The following THSD4 variants were observed in gnomAD, a reference collection of about 807,000 sequenced individuals.
THSD4 encodes thrombospondin type 1 domain containing 4.
Under a neutral mutation model 119.0 loss-of-function variants are expected in THSD4, and 69 were observed. That is an observed-to-expected ratio of 0.58 (90% CI 0.48 to 0.71). The LOEUF (loss-of-function observed/expected upper bound fraction) is 0.71, where lower values mean the gene tolerates loss of function less well. Among genes scored for constraint, THSD4 ranks in the 30% least tolerant of loss-of-function variants. THSD4 has a pLI of 0.00. For synonymous variants in THSD4, 524 were observed against 540.4 expected (o/e 0.97, Z 0.42); for missense variants, 1,393 against 1,391.1 (o/e 1.00, Z -0.02).
chr15:71,708,707 G>C (rs554598726), intron 8 of THSD4, among the ~76,000 whole-genome samples: 1 of 152,270 alleles, frequency 6.6e-6, no homozygotes, highest in African/African-American at 2.4e-5. Context: ...GTGTCTTTTG[G>C]TGTTTTGTTT....
Position 71,215,192 on chromosome 15 carries a change from G to A in THSD4, c.257G>A (p.Arg86His). The A allele has an allele frequency of 1.5e-6, 2 of 1,359,416 alleles. No homozygotes were observed. The highest frequency in any genetic ancestry group is 1.7e-5 in the South Asian group (1 of 58,634). The allele number at this position is 1,359,416 out of a possible 1,614,324, so 84.2% of individuals were successfully genotyped here. ...CGGCCCTGCCTGCCCCGCTCCTACC[G>A]CCTGCGCGGCGGCCAGCGGCCTGGC... ...QTRPCLPRSY[R>H]LRGGQRPGAP... Residue 86 changes from arginine to histidine, a missense_variant, in exon 4 of 18, where the codon CGC (arginine) becomes CAC (histidine). By Grantham distance (29) the Arg-to-His change is conservative. Coordinates refer to ENST00000261862, the MANE Select transcript of THSD4 (RefSeq NM_024817.3).
chr15:71,388,775 A>AAT (rs1045749733), intron 6 of THSD4, among the ~76,000 whole-genome samples: 26 of 151,560 alleles, frequency 1.7e-4, no homozygotes, highest in Admixed American at 2.6e-4. Context: ...AATATGATAA[A>AAT]ATATATATAT....
rs570969525 is a variant in THSD4, at chr15:71,268,601, A to G, written c.1015+11886A>G. Among the ~76,000 whole-genome samples, 8 of 151,052 alleles carry G rather than the reference A, an allele frequency of 5.3e-5. No homozygotes were observed. The South Asian group carries it at 1.7e-3, about 32-fold the overall frequency. On this transcript the variant is annotated intron_variant, in intron 6 of 17. Transcript: ENST00000261862. ...AGCTAGCAGAAGACAAGAAATAACTAAGATCAGAGCAGAACTGAAGGAGAT... is the reference window on the plus strand; with the variant it reads ...AGCTAGCAGAAGACAAGAAATAACTGAGATCAGAGCAGAACTGAAGGAGAT...
chr15:71,621,591 T>C (rs2050419275), intron 7 of THSD4, among the ~76,000 whole-genome samples: 1 of 152,224 alleles, frequency 6.6e-6, no homozygotes, highest in South Asian at 2.1e-4. Context: ...TTATTGATAT[T>C]CTGATTAACT....
At chr15:71,137,047 C>T (rs917391368) in intron 1 of THSD4, among the ~76,000 whole-genome samples, 1 of 152,190 alleles carries the variant, frequency 6.6e-6, no homozygotes, top group African/African-American at 2.4e-5. Flanking sequence ...CTCATTCAAC[C>T]TTCCTGTAGG....
intron 6 of THSD4, among the ~76,000 whole-genome samples, chr15:71,331,321 G>T (rs2045418137): frequency 6.6e-6 from 1 of 152,176 alleles, no homozygotes; most frequent in African/African-American, 2.4e-5. Context: ...TGAATGCCTG[G>T]TTTCCTCTGA....
chr15:71,686,621 CA>C (rs2051915684), intron 8 of THSD4, among the ~76,000 whole-genome samples: 1 of 152,000 alleles, frequency 6.6e-6, no homozygotes, highest in Admixed American at 6.6e-5. Flanking sequence ...GTTATAAGGA[CA>C]AAGGAAGAGG....
chr15:71,663,718 G>C (rs554851665), intron 8 of THSD4, among the ~76,000 whole-genome samples: 1 of 152,042 alleles, frequency 6.6e-6, no homozygotes, highest in Non-Finnish European at 1.5e-5. Context: ...TGAACTCTTC[G>C]ACGGCTATTT....
chr15:71,778,546 C>T lies in THSD4; in HGVS notation c.*1172C>T, dbSNP rs2053952687. On this transcript the variant is annotated 3_prime_UTR_variant, in exon 18 of 18. Coordinates refer to ENST00000261862, the MANE Select transcript of THSD4 (RefSeq NM_024817.3). ...CCCTGCCTCAGCCGCCTCCCCCACG[C>T]TCTTCACCACGTTCCTGGAGAGTCC... 6.5e-6 allele frequency: 1 copy of T among 152,844 alleles called. No individual in the cohort carries two copies. The highest frequency in any genetic ancestry group is 2.1e-4 in the South Asian group (1 of 4,828). 9.5% of individuals were successfully genotyped at this position (152,844 alleles called of 1,614,324 possible). A position where few individuals can be genotyped will look rare whatever the true frequency, so the allele number is the denominator to read the frequency against.
chr15:71,386,694 A>G (rs1035867217), intron 6 of THSD4, among the ~76,000 whole-genome samples: 1 of 152,208 alleles, frequency 6.6e-6, no homozygotes, highest in African/African-American at 2.4e-5. Context: ...TTTCTAAAAC[A>G]TGATGGTTTG....
intron 6 of THSD4, among the ~76,000 whole-genome samples, chr15:71,327,234 G>A (rs2045358247): frequency 6.6e-6 from 1 of 152,022 alleles, no homozygotes; most frequent in African/African-American, 2.4e-5. Context: ...TCTTTTAATT[G>A]TTCATGGTGG....
chr15:71,750,153 C>T (rs114508077), intron 14 of THSD4, among the ~76,000 whole-genome samples: 2,111 of 152,244 alleles, frequency 0.014, 49 homozygotes, highest in African/African-American at 0.047. Context: ...TTAGGAGACA[C>T]GATGCAGCCC....
intron 7 of THSD4, among the ~76,000 whole-genome samples, chr15:71,553,760 T>G (rs982469666): frequency 6.6e-6 from 1 of 152,246 alleles, no homozygotes; most frequent in African/African-American, 2.4e-5. Context: ...TATCAAATAT[T>G]GTTTGCCTTT....
At chr15:71,627,081 TC>T (rs2050523848) in intron 7 of THSD4, among the ~76,000 whole-genome samples, 1 of 103,802 alleles carries the variant, frequency 9.6e-6, no homozygotes, top group South Asian at 2.8e-4. Flanking sequence ...GTTTTGACAC[TC>T]TTTTTTTTTA....
chr15:71,182,873 C>A (rs1001223184), intron 3 of THSD4, among the ~76,000 whole-genome samples: 2 of 151,784 alleles, frequency 1.3e-5, no homozygotes, highest in Non-Finnish European at 2.9e-5. Context: ...AGAAACAGAG[C>A]AGAAGTCAAT....
At chr15:71,731,241 G>A (rs758489905) in intron 10 of THSD4, 24 bp downstream of exon 10, 138 of 1,599,906 alleles carry the variant, frequency 8.6e-5, no homozygotes, top group Non-Finnish European at 1.1e-4. Flanking sequence ...TCTTGTGGCC[G>A]GGGACTCTGG....
chr15:71,519,518 C>T (rs746359090), intron 7 of THSD4, among the ~76,000 whole-genome samples: 1 of 152,058 alleles, frequency 6.6e-6, no homozygotes, highest in Admixed American at 6.5e-5. Flanking sequence ...CCCACCACCA[C>T]ACCTAGCTAA....
At chr15:71,392,626 T>C (rs74021981) in intron 6 of THSD4, among the ~76,000 whole-genome samples, 16,407 of 152,244 alleles carry the variant, frequency 0.11, 1,767 homozygotes, top group African/African-American at 0.28. Flanking sequence ...TTGAAGGTTC[T>C]AATGAACCCT....
At chr15:71,368,281 T>G (rs932411522) in intron 6 of THSD4, among the ~76,000 whole-genome samples, 12 of 152,256 alleles carry the variant, frequency 7.9e-5, no homozygotes, top group African/African-American at 2.9e-4. Context: ...AGAAGCTCTT[T>G]AGTTGAATTA....
Sources: gnomAD v4.1 joint callset for allele counts (sites outside exome capture counted in the v4.1 genomes callset) on GRCh38, gnomAD v4.1.1 for gene constraint, MANE v1.5 for transcripts, NCBI Gene and HGNC (gene_info 2026-07-23, HGNC 2026-07-21) for gene names.